Variants in PLXNA2 observed in about 807,000 individuals in gnomAD.
The protein encoded by PLXNA2 is plexin A2.
In PLXNA2, 91 loss-of-function variants were observed where a neutral mutation model predicts 193.5. That is an observed-to-expected ratio of 0.47 (90% CI 0.40 to 0.56). The LOEUF is 0.56. Ranked by LOEUF, PLXNA2 falls within the 20% of genes least tolerant of loss-of-function variation. PLXNA2 has a pLI of 0.00. For missense variants in PLXNA2, 1,995 were observed against 2,503.2 expected, an observed-to-expected ratio of 0.80 and a Z score of 4.33; for synonymous variants, 997 against 1,027.3, an observed-to-expected ratio of 0.97 and a Z score of 0.56.
intron 17 of PLXNA2, among the ~76,000 whole-genome samples, chr1:208,046,797 AGTGTGTGTGTGTGTGTGTGT>A (rs57420579): frequency 1.5e-4 from 19 of 129,690 alleles, no homozygotes; most frequent in South Asian, 2.6e-4. Context: ...AGAACAGCAT[AGTGTGTGTGTGTGTGTGTGT>A]GTGTGTGTGT....
chr1:208,237,758 T>C (rs1671913829), intron 1 of PLXNA2, among the ~76,000 whole-genome samples: 1 of 152,222 alleles, frequency 6.6e-6, no homozygotes, highest in Non-Finnish European at 1.5e-5. Flanking sequence ...TCTGACCCCC[T>C]AGTACACACT....
intron 12 of PLXNA2, among the ~76,000 whole-genome samples, chr1:208,077,165 C>T (rs373024498): frequency 9.9e-5 from 15 of 152,222 alleles, no homozygotes; most frequent in African/African-American, 3.4e-4. Context: ...AGTGACCTCC[C>T]CCGAGTGGCT....
intron 3 of PLXNA2, among the ~76,000 whole-genome samples, chr1:208,151,574 C>G (rs977870617): frequency 1.3e-5 from 2 of 152,178 alleles, no homozygotes; most frequent in Admixed American, 1.3e-4. Context: ...CTTCCTGGGA[C>G]TGGATATACA....
intron 3 of PLXNA2, among the ~76,000 whole-genome samples, chr1:208,208,263 A>G (rs1408826409): frequency 6.6e-6 from 1 of 152,232 alleles, no homozygotes; most frequent in Non-Finnish European, 1.5e-5. Context: ...TGACCTCTGT[A>G]GCAAGCCTGG....
At position 208,197,939 on chromosome 1, in the gene PLXNA2, T is replaced by A. The variant is rs532932504; in HGVS notation, c.1371+12341A>T. On this transcript the variant is annotated intron_variant, in intron 3 of 31. Transcript: ENST00000367033. ...AGGCCCAATACAAATATAGAATGTA[T>A]AATTTTCACATCATTCTTGGCAAAT... Among the ~76,000 whole-genome samples the A allele has an allele frequency of 1.2e-3, 187 of 152,260 alleles. 1 individual carries two copies. The highest frequency in any genetic ancestry group is 4.1e-3 in the African/African-American group (172 of 41,542).
chr1:208,160,698 G>C (rs975953647), intron 3 of PLXNA2, among the ~76,000 whole-genome samples: 2 of 152,220 alleles, frequency 1.3e-5, no homozygotes, highest in African/African-American at 2.4e-5. Flanking sequence ...CCTGCTATGT[G>C]CTAAGGATAG....
chr1:208,054,515 G>A lies in PLXNA2; in HGVS notation c.2762C>T (p.Ala921Val). ...TGGCCCGGAGGTGGTTCCCACGAGG[G>A]CATGGCCCATCTCACAGACAATCCT... ...AEQIVCEMGH[A>V]LVGTTSGPVR... is the part of the protein sequence containing the mutation. The change falls in exon 14 of 32, where the codon GCC becomes GTC. Residue 921 changes from alanine to valine, a missense_variant. Physicochemically the swap from Ala to Val is moderately conservative, Grantham distance 64. Coordinates refer to ENST00000367033, the MANE Select transcript of PLXNA2 (RefSeq NM_025179.4). 1.2e-6 allele frequency: 2 copies of A among 1,614,042 alleles called. No individual in the cohort carries two copies. The highest frequency in any genetic ancestry group is 8.5e-7 in the Non-Finnish European group (1 of 1,179,856).
chr1:208,052,685 G>T (rs571423180), intron 14 of PLXNA2, among the ~76,000 whole-genome samples: 10 of 152,272 alleles, frequency 6.6e-5, no homozygotes, highest in African/African-American at 2.4e-4. Flanking sequence ...CATGTGGGGT[G>T]AAATTAATTA....
intron 3 of PLXNA2, among the ~76,000 whole-genome samples, chr1:208,191,758 G>C (rs1558236748): frequency 6.6e-6 from 1 of 152,252 alleles, no homozygotes; most frequent in Non-Finnish European, 1.5e-5. Flanking sequence ...GTGCTCTCCT[G>C]CTCTGACAGC....
intron 1 of PLXNA2, among the ~76,000 whole-genome samples, chr1:208,228,860 C>T (rs1671596389): frequency 6.6e-6 from 1 of 152,188 alleles, no homozygotes; most frequent in East Asian, 1.9e-4. Flanking sequence ...CCTCTAGGGC[C>T]TCTCCATCTC....
chr1:208,240,882 A>G (rs1045997286), intron 1 of PLXNA2, among the ~76,000 whole-genome samples: 4 of 152,106 alleles, frequency 2.6e-5, no homozygotes, highest in African/African-American at 9.7e-5. Flanking sequence ...GCAGGGAGAC[A>G]GCTGGTGGTG....
chr1:208,027,445 T>G, intron 31 of PLXNA2, 107 bp from the exon 32 acceptor site: 1 of 773,988 alleles, frequency 1.3e-6, no homozygotes, highest in Non-Finnish European at 2.2e-6. Flanking sequence ...CATTCTGCCT[T>G]CATGCACATA....
intron 12 of PLXNA2, among the ~76,000 whole-genome samples, chr1:208,070,249 T>C (rs894736593): frequency 9.2e-5 from 14 of 152,152 alleles, no homozygotes; most frequent in African/African-American, 3.1e-4. Flanking sequence ...ACTTAAGACA[T>C]GGCTAAGGCC....
intron 4 of PLXNA2, among the ~76,000 whole-genome samples, chr1:208,125,272 C>G (rs1346979921): frequency 1.3e-5 from 2 of 152,216 alleles, no homozygotes; most frequent in Non-Finnish European, 2.9e-5. Flanking sequence ...CCAGTGAAGG[C>G]TGGTCTGGGA....
At chr1:208,052,159 G>C (rs1004112001) in intron 15 of PLXNA2, among the ~76,000 whole-genome samples, 168 bp downstream of exon 15, 1 of 152,274 alleles carries the variant, frequency 6.6e-6, no homozygotes, top group South Asian at 2.1e-4. Context: ...GATATAAACT[G>C]ACAAGTGGCA....
At chr1:208,050,946 A>C in intron 17 of PLXNA2, 63 bp downstream of exon 17, 1 of 1,228,820 alleles carries the variant, frequency 8.1e-7, no homozygotes, top group Non-Finnish European at 1.2e-6. Context: ...AGCTCATCCC[A>C]TTGCAAAACA....
Position 208,218,046 on chromosome 1 carries a change from G to T in PLXNA2, c.-80-44C>A, listed in dbSNP as rs1195633107. 11 of 1,518,530 alleles carry T rather than the reference G, an allele frequency of 7.2e-6. No individual in the cohort carries two copies. In the South Asian group the frequency reaches 9.6e-5, roughly 13 times the overall value. 94.1% of individuals were successfully genotyped at this position (1,518,530 alleles called of 1,614,324 possible). Reference sequence around the variant, plus strand: ...AGTGGTCAGACCAAAAATAATTTCCGGGAGGAGCAAAGAGGCTGGCCTGAC... The same window carrying T: ...AGTGGTCAGACCAAAAATAATTTCCTGGAGGAGCAAAGAGGCTGGCCTGAC... On this transcript the variant is annotated intron_variant, in intron 1 of 31. Coordinates refer to ENST00000367033, the MANE Select transcript of PLXNA2 (RefSeq NM_025179.4).
intron 3 of PLXNA2, among the ~76,000 whole-genome samples, chr1:208,207,795 G>A (rs372062705): frequency 8.5e-5 from 13 of 152,286 alleles, no homozygotes; most frequent in African/African-American, 3.1e-4. Context: ...GGGTATGAAT[G>A]TCAAGTACCT....
At chr1:208,088,894 A>T (rs1666623764) in intron 9 of PLXNA2, among the ~76,000 whole-genome samples, 1 of 152,226 alleles carries the variant, frequency 6.6e-6, no homozygotes, top group Non-Finnish European at 1.5e-5. Context: ...ATTCAAGGTC[A>T]GCTTGAAAAA....
Sources: gnomAD v4.1 joint callset for allele counts (sites outside exome capture counted in the v4.1 genomes callset) on GRCh38, gnomAD v4.1.1 for gene constraint, MANE v1.5 for transcripts, NCBI Gene and HGNC (gene_info 2026-07-23, HGNC 2026-07-21) for gene names.